CDK14: variants seen among roughly 807,000 people sequenced by gnomAD.
The protein encoded by CDK14 is cyclin dependent kinase 14.
In CDK14, 34 loss-of-function variants were observed where a neutral mutation model predicts 60.7. The ratio of observed to expected loss-of-function variants is 0.56; its 90% CI spans 0.43 to 0.75. The LOEUF (loss-of-function observed/expected upper bound fraction) is 0.75. Among genes scored for constraint, CDK14 ranks in the 30% least tolerant of loss-of-function variants. The probability of loss-of-function intolerance (pLI) is 0.00; values close to 1 mark genes in which losing one functional copy is unlikely to be tolerated. For missense variants in CDK14, 482 were observed against 564.1 expected (o/e 0.85, Z 1.47); for synonymous variants, 197 against 203.7 (o/e 0.97, Z 0.28).
At chr7:91,143,525 C>T (rs908419197) in intron 14 of CDK14, among the ~76,000 whole-genome samples, 9 of 152,072 alleles carry the variant, frequency 5.9e-5, no homozygotes, top group Admixed American at 5.9e-4. Context: ...AGTTTGAGTC[C>T]AGCCTAGGCA....
chr7:90,801,200 G>T (rs1007731140), intron 5 of CDK14, among the ~76,000 whole-genome samples: 2 of 152,084 alleles, frequency 1.3e-5, no homozygotes, highest in African/African-American at 4.8e-5. Context: ...ACCTGCATTG[G>T]ACCTTTGAAA....
At chr7:90,735,149 C>T (rs1803038906) in intron 3 of CDK14, among the ~76,000 whole-genome samples, 1 of 152,210 alleles carries the variant, frequency 6.6e-6, no homozygotes, top group South Asian at 2.1e-4. Context: ...GGCTGCACAA[C>T]AGCAAAGATT....
chr7:91,028,855 G>A (rs1024666857), intron 10 of CDK14, among the ~76,000 whole-genome samples: 4 of 151,780 alleles, frequency 2.6e-5, no homozygotes, highest in African/African-American at 7.3e-5. Flanking sequence ...GTCCTTTGTT[G>A]GATGTATAGT....
intron 12 of CDK14, among the ~76,000 whole-genome samples, chr7:91,091,517 A>AT (rs1562900714): frequency 3.3e-4 from 47 of 141,372 alleles, no homozygotes; most frequent in African/African-American, 1.1e-3. Flanking sequence ...ATATATATAT[A>AT]AATTAGCCAG....
intron 2 of CDK14, among the ~76,000 whole-genome samples, chr7:90,673,184 G>A (rs1376609034): frequency 2.0e-5 from 3 of 152,142 alleles, no homozygotes; most frequent in Admixed American, 6.5e-5. Flanking sequence ...TAAGGGATAG[G>A]ACTTCTCCCA....
chr7:90,798,921 C>A (rs1241359824), intron 5 of CDK14, among the ~76,000 whole-genome samples: 3 of 152,120 alleles, frequency 2.0e-5, no homozygotes, highest in Non-Finnish European at 4.4e-5. Context: ...TTATGAGGAA[C>A]AGATAAAGGG....
chr7:91,148,279 G>A (rs1336554184), intron 14 of CDK14, among the ~76,000 whole-genome samples: 1 of 152,042 alleles, frequency 6.6e-6, no homozygotes, highest in African/African-American at 2.4e-5. Flanking sequence ...CAGCTGAGGT[G>A]GGGAAATCAC....
chr7:90,775,894 T>C (rs1448147794), intron 4 of CDK14, among the ~76,000 whole-genome samples: 1 of 151,820 alleles, frequency 6.6e-6, no homozygotes, highest in Non-Finnish European at 1.5e-5. Flanking sequence ...GTGGGTATTA[T>C]ATGGTACATG....
intron 4 of CDK14, among the ~76,000 whole-genome samples, chr7:90,775,664 T>TTCCC (rs1805007828): frequency 2.5e-5 from 1 of 39,308 alleles, no homozygotes; most frequent in Non-Finnish European, 4.4e-5. Context: ...TCCCCCTTTC[T>TTCCC]CCTCCTCCTC....
intron 12 of CDK14, among the ~76,000 whole-genome samples, chr7:91,087,521 CTTTTCAAT>C (rs1319159307): frequency 1.3e-5 from 2 of 152,186 alleles, no homozygotes; most frequent in African/African-American, 4.8e-5. Context: ...TGAGCCTCAG[CTTTTCAAT>C]TTGTATAACC....
intron 10 of CDK14, among the ~76,000 whole-genome samples, chr7:91,037,381 T>C (rs755823737): frequency 2.0e-5 from 3 of 151,994 alleles, no homozygotes; most frequent in East Asian, 3.9e-4. Context: ...CTGCATCACA[T>C]GTCTTATAGA....
At chr7:90,898,218 T>A (rs1048902708) in intron 6 of CDK14, among the ~76,000 whole-genome samples, 4 of 152,142 alleles carry the variant, frequency 2.6e-5, no homozygotes, top group African/African-American at 9.6e-5. Context: ...GTCTGGTTTT[T>A]TTCCATTTGC....
At chr7:91,156,416 C>T (rs530959932) in intron 14 of CDK14, among the ~76,000 whole-genome samples, 19 of 152,178 alleles carry the variant, frequency 1.2e-4, no homozygotes, top group African/African-American at 4.3e-4. Context: ...TTCTTTAGAA[C>T]GGCTGTTTGA....
At chr7:90,963,141 A>G (rs1182230993) in intron 9 of CDK14, among the ~76,000 whole-genome samples, 1 of 146,824 alleles carries the variant, frequency 6.8e-6, no homozygotes, top group African/African-American at 2.5e-5. Flanking sequence ...TTAGAAATAT[A>G]TAGGCAGGAG....
chr7:91,114,640 G>C (rs934816683), intron 13 of CDK14, among the ~76,000 whole-genome samples: 16 of 152,120 alleles, frequency 1.1e-4, no homozygotes, highest in African/African-American at 3.9e-4. Context: ...CCTTTTGAAG[G>C]GGGGAGAATA....
At chr7:90,611,706 C>G (rs1467987220) in intron 2 of CDK14, among the ~76,000 whole-genome samples, 1 of 152,170 alleles carries the variant, frequency 6.6e-6, no homozygotes, top group Non-Finnish European at 1.5e-5. Flanking sequence ...ACAAATTTGC[C>G]GATCCCCTGC....
chr7:91,034,933 C>CACACAT (rs1554408665), intron 10 of CDK14, among the ~76,000 whole-genome samples: 1 of 119,122 alleles, frequency 8.4e-6, no homozygotes, highest in Non-Finnish European at 1.7e-5. Flanking sequence ...TACACACACA[C>CACACAT]ACACATACAC....
chr7:91,163,797 A>T (rs1211956294), intron 14 of CDK14, among the ~76,000 whole-genome samples: 1 of 152,162 alleles, frequency 6.6e-6, no homozygotes, highest in Non-Finnish European at 1.5e-5. Context: ...TAATATTCAG[A>T]ATTATTAAGG....
intron 3 of CDK14, among the ~76,000 whole-genome samples, chr7:90,730,325 T>A (rs1802813019): frequency 6.6e-6 from 1 of 152,220 alleles, no homozygotes. Flanking sequence ...TACGTGTGCA[T>A]GTGTCTTTAT....
Sources: gnomAD v4.1 joint callset for allele counts (sites outside exome capture counted in the v4.1 genomes callset) on GRCh38, gnomAD v4.1.1 for gene constraint, MANE v1.5 for transcripts, NCBI Gene and HGNC (gene_info 2026-07-23, HGNC 2026-07-21) for gene names.